The following SYBU variants were observed in gnomAD, a reference collection of about 807,000 sequenced individuals.
SYBU encodes the protein syntabulin.
Under a neutral mutation model 35.9 loss-of-function variants are expected in SYBU, and 21 were observed. That is an observed-to-expected ratio of 0.58 (90% confidence interval 0.41 to 0.84). The LOEUF (loss-of-function observed/expected upper bound fraction) is 0.84. Among genes scored for constraint, SYBU ranks in the 40% least tolerant of loss-of-function variants. SYBU has a pLI of 0.00. For synonymous variants in SYBU, 319 were observed against 324.3 expected (o/e 0.98, Z 0.18); for missense variants, 768 against 848.2 (o/e 0.91, Z 1.17).
chr8:109,575,926 C>A lies in SYBU; in HGVS notation c.972G>T (p.Gln324His), dbSNP rs202213894. ...CTTTCCTGGCTTCTTTGAGTGCCAACTGGGCCTCTACCCGGTGACACTCCT... is the reference window on the plus strand; with the variant it reads ...CTTTCCTGGCTTCTTTGAGTGCCAAATGGGCCTCTACCCGGTGACACTCCT... Reference protein sequence around the residue: ...IEEECHRVEAQLALKEARKEI... With the variant: ...IEEECHRVEAHLALKEARKEI... Residue 324 changes from glutamine (Q) to histidine (H), a missense_variant, in exon 7 of 7, where the codon CAG becomes CAT. Physicochemically the swap from Gln to His is conservative, Grantham distance 24 (BLOSUM62 0). Transcript: ENST00000276646. 3.5e-5 allele frequency: 56 copies of A among 1,613,576 alleles called. No individual in the cohort carries two copies. The highest frequency in any genetic ancestry group is 4.5e-5 in the Non-Finnish European group (53 of 1,179,988).
chr8:109,638,515 TAAACAAAC>T (rs142943037), intron 2 of SYBU, among the ~76,000 whole-genome samples: 1 of 152,026 alleles, frequency 6.6e-6, no homozygotes, highest in Non-Finnish European at 1.5e-5. Context: ...AACGCTGGTT[TAAACAAAC>T]AAACAAACAA....
At chr8:109,639,810 A>G (rs191910278) in intron 2 of SYBU, among the ~76,000 whole-genome samples, 22 of 152,258 alleles carry the variant, frequency 1.4e-4, no homozygotes, top group Admixed American at 1.4e-3. Flanking sequence ...TACATTCTCT[A>G]TCTCACTGCC....
At chr8:109,681,073 A>C (rs1817384488), upstream of SYBU, 1 of 152,230 alleles carries the variant, frequency 6.6e-6, no homozygotes, top group South Asian at 2.1e-4. Context: ...TGAATGTGTA[A>C]ATTTGAACAG....
intron 1 of SYBU, among the ~76,000 whole-genome samples, chr8:109,655,639 T>C (rs559793724): frequency 7.2e-5 from 11 of 152,346 alleles, no homozygotes; most frequent in South Asian, 6.2e-4. Context: ...TTCCTTGTTA[T>C]AGTTTTTCCT....
chr8:109,575,683 G>T lies in SYBU; in HGVS notation c.1215C>A (p.Pro405=). 6.2e-7 allele frequency: 1 copy of T among 1,614,132 alleles called. No homozygotes were observed. The highest frequency in any genetic ancestry group is 8.5e-7 in the Non-Finnish European group (1 of 1,180,022). Reference sequence around the variant, plus strand: ...ACCCATCTGCCATTGTGTCAAGAGGGGGGTTGAGGGTTAAGCTCTTCTCTG... The same window carrying T: ...ACCCATCTGCCATTGTGTCAAGAGGTGGGTTGAGGGTTAAGCTCTTCTCTG... ...DSPEKSLTLN[P]PLDTMADGLS... Residue 405 remains proline (P), a synonymous_variant, in exon 7 of 7, where the codon CCC becomes CCA. Coordinates refer to ENST00000276646, the MANE Select transcript of SYBU (RefSeq NM_001099754.2).
At chr8:109,635,643 C>G (rs947700098) in intron 2 of SYBU, among the ~76,000 whole-genome samples, 5 of 152,140 alleles carry the variant, frequency 3.3e-5, no homozygotes, top group African/African-American at 1.2e-4. Flanking sequence ...TAGACACAAT[C>G]CTTCCCCTTC....
intron 2 of SYBU, among the ~76,000 whole-genome samples, chr8:109,640,235 G>T (rs1332814048): frequency 2.0e-5 from 3 of 152,134 alleles, no homozygotes; most frequent in Non-Finnish European, 4.4e-5. Flanking sequence ...CCAGAGACAG[G>T]TCTCCTAGGA....
intron 3 of SYBU, among the ~76,000 whole-genome samples, chr8:109,593,935 G>A (rs1054002453): frequency 6.6e-6 from 1 of 152,166 alleles, no homozygotes; most frequent in African/African-American, 2.4e-5. Context: ...TAATAACAGA[G>A]CAAATCCTCC....
chr8:109,659,426 A>G (rs1432044229), intron 1 of SYBU, among the ~76,000 whole-genome samples: 1 of 152,214 alleles, frequency 6.6e-6, no homozygotes, highest in Non-Finnish European at 1.5e-5. Context: ...TTGCAGGGGT[A>G]GGGATTTTTC....
At chr8:109,601,550 C>T (rs764309641) in intron 3 of SYBU, among the ~76,000 whole-genome samples, 4 of 151,996 alleles carry the variant, frequency 2.6e-5, no homozygotes, top group Admixed American at 6.6e-5. Context: ...ACAGAGAGGG[C>T]GGGCACCCAG....
In SYBU at chr8:109,614,965, G is replaced by A. The variant is rs952358078; in HGVS notation, c.427+3877C>T. On this transcript the variant is annotated intron_variant, in intron 3 of 6. Transcript: ENST00000276646. ...CTGTTGGCAAGGTACAGGCTTGCTC[G>A]GCTCACCTTTCCAAGCCCTTCCCCG... Among the ~76,000 whole-genome samples the A allele has an allele frequency of 7.9e-5, 12 of 152,252 alleles. 1 individual carries two copies. Among genetic ancestry groups the A allele is most frequent in the Admixed American group, 6.5e-4 (10 of 15,298 alleles).
chr8:109,625,427 T>TCA (rs1812884195), intron 2 of SYBU, among the ~76,000 whole-genome samples: 1 of 152,144 alleles, frequency 6.6e-6, no homozygotes, highest in African/African-American at 2.4e-5. Context: ...TTTTAAAATG[T>TCA]GTTTGTTTAT....
At position 109,691,085 on chromosome 8, in the gene SYBU, CCAAT is replaced by C. The variant is rs1370983493; in HGVS notation, c.-58+244_-58+247del. 2.6e-5 allele frequency among the ~76,000 whole-genome samples: 4 copies of C among 152,190 alleles called. No homozygotes were observed. The highest frequency in any genetic ancestry group is 4.4e-5 in the Non-Finnish European group (3 of 68,028). On this transcript the variant is annotated intron_variant, in intron 1 of 7. Transcript: ENST00000422135. The surrounding 1 kb of genome is among the most constrained non-coding windows in gnomAD (Gnocchi z 4.7). ...GAGTCCAGCCCGACCGTCTCAACAA[CCAAT>C]CAAACCAATCAAACAGGAGGGCCTT... is the stretch of plus-strand genomic sequence containing the variant.
At chr8:109,614,968 T>G (rs1282937666) in intron 3 of SYBU, among the ~76,000 whole-genome samples, 1 of 152,198 alleles carries the variant, frequency 6.6e-6, no homozygotes, top group Non-Finnish European at 1.5e-5. Context: ...CTTGCTCGGC[T>G]CACCTTTCCA....
chr8:109,600,047 T>C (rs1019898054), intron 3 of SYBU, among the ~76,000 whole-genome samples: 3 of 152,208 alleles, frequency 2.0e-5, no homozygotes, highest in Admixed American at 6.5e-5. Flanking sequence ...GGCCCTCCTT[T>C]ATCTGACCCC....
rs568531504 is a variant in SYBU, at chr8:109,587,843, G to T, written c.428-1681C>A. 5.3e-4 allele frequency among the ~76,000 whole-genome samples: 81 copies of T among 152,316 alleles called. 2 individuals carry two copies. In the South Asian group the frequency reaches 0.016, roughly 30 times the overall value. On this transcript the variant is annotated intron_variant, in intron 3 of 6. Transcript: ENST00000276646. ...GGAAGATTAGCAAGGTAGTTTATCA[G>T]AACTGAGACCAGCTATTCCTTCTGG...
At chr8:109,604,117 C>T (rs1418140132) in intron 3 of SYBU, among the ~76,000 whole-genome samples, 1 of 151,990 alleles carries the variant, frequency 6.6e-6, no homozygotes, top group African/African-American at 2.4e-5. Context: ...AAAACGTGAT[C>T]TTATTCCTAG....
chr8:109,670,318 T>C (rs1022726200), intron 1 of SYBU, among the ~76,000 whole-genome samples: 1 of 151,890 alleles, frequency 6.6e-6, no homozygotes, highest in Non-Finnish European at 1.5e-5. Flanking sequence ...TACATATGTA[T>C]ACATGCGCCA....
chr8:109,674,472 G>A (rs1244963126), intron 1 of SYBU, among the ~76,000 whole-genome samples: 1 of 152,088 alleles, frequency 6.6e-6, no homozygotes, highest in East Asian at 1.9e-4. Context: ...ATCCTTTACA[G>A]ACAAGCAAAT....
Sources: gnomAD v4.1 joint callset for allele counts (sites outside exome capture counted in the v4.1 genomes callset) on GRCh38, gnomAD v4.1.1 for gene constraint, Gnocchi (gnomAD v3.1) non-coding constraint, MANE v1.5 for transcripts, NCBI Gene and HGNC (gene_info 2026-07-23, HGNC 2026-07-21) for gene names.